CALD1: variants seen among roughly 807,000 people sequenced by gnomAD.
The protein encoded by CALD1 is caldesmon 1.
CALD1 carries 33 observed loss-of-function variants against 99.9 expected under a neutral mutation model. That is an observed-to-expected ratio of 0.33 (90% CI 0.25 to 0.44). CALD1 has a LOEUF of 0.44. Among genes scored for constraint, CALD1 ranks in the 20% least tolerant of loss-of-function variants. The pLI is 1.00. For synonymous variants in CALD1, 310 were observed against 325.0 expected (o/e 0.95, Z 0.50); for missense variants, 861 against 962.1 (o/e 0.89, Z 1.39).
At chr7:134,882,191 G>A (rs1034831286) in intron 3 of CALD1, among the ~76,000 whole-genome samples, 1 of 152,172 alleles carries the variant, frequency 6.6e-6, no homozygotes, top group Non-Finnish European at 1.5e-5. Context: ...TTGTGAGGGA[G>A]GCAGAAATGT....
At chr7:134,750,895 A>G (rs1327243797) in intron 1 of CALD1, among the ~76,000 whole-genome samples, 1 of 152,180 alleles carries the variant, frequency 6.6e-6, no homozygotes, top group Admixed American at 6.5e-5. Context: ...GGTTACTCAA[A>G]TGAATATCTT....
rs1350550018 is a variant in CALD1, at chr7:134,756,823, A to G, written c.-130+12460A>G. 2.0e-5 allele frequency among the ~76,000 whole-genome samples: 3 copies of G among 152,360 alleles called. No individual in the cohort carries two copies. In the East Asian group the frequency reaches 5.8e-4, roughly 29 times the overall value. ...ATTTAGAACAAGAGTTCAAAAATAT[A>G]AATATGAGCTTTTCCATGGGCCCGT... is the stretch of plus-strand genomic sequence containing the variant. On this transcript the variant is annotated intron_variant, in intron 1 of 13. Coordinates refer to the CALD1 transcript ENST00000417172.
rs1205451112 is a variant in CALD1, at chr7:134,820,989, C to A, written c.-129-22895C>A. 4.6e-5 allele frequency among the ~76,000 whole-genome samples: 7 copies of A among 152,224 alleles called. No individual in the cohort carries two copies. In the East Asian group the frequency reaches 9.6e-4, roughly 21 times the overall value. On this transcript the variant is annotated intron_variant, in intron 1 of 14. Transcript: ENST00000361675. ...GAAAAATGATGCAAACTATTTACTT[C>A]CCCTTAGAGGCTAGAATGCAGTTGT...
At chr7:134,947,191 A>T (rs1252293211) in intron 7 of CALD1, among the ~76,000 whole-genome samples, 1 of 151,852 alleles carries the variant, frequency 6.6e-6, no homozygotes, top group Non-Finnish European at 1.5e-5. Flanking sequence ...GGATTGCTGG[A>T]TCACGTGGTA....
At chr7:134,867,652 C>T (rs1219215691) in intron 2 of CALD1, 41 bp from the exon 3 acceptor site, 4 of 723,584 alleles carry the variant, frequency 5.5e-6, no homozygotes, top group Admixed American at 5.5e-5. Flanking sequence ...AAGTAACACA[C>T]TGAGTTATCA....
intron 11 of CALD1, among the ~76,000 whole-genome samples, chr7:134,958,775 A>C (rs915268471): frequency 6.6e-6 from 1 of 151,362 alleles, no homozygotes; most frequent in South Asian, 2.1e-4. Context: ...ATAAAGATAA[A>C]TTTTAGGAGA....
At chr7:134,890,556 G>A (rs1395702511) in intron 3 of CALD1, among the ~76,000 whole-genome samples, 3 of 152,158 alleles carry the variant, frequency 2.0e-5, no homozygotes, top group Non-Finnish European at 2.9e-5. Flanking sequence ...CCAGTCCCAC[G>A]AGCAGCTTGG....
chr7:134,808,393 C>G (rs1482193940), intron 1 of CALD1, among the ~76,000 whole-genome samples: 1 of 152,182 alleles, frequency 6.6e-6, no homozygotes, highest in African/African-American at 2.4e-5. Flanking sequence ...CAGGCATGAG[C>G]CACCACCTGG....
intron 1 of CALD1, among the ~76,000 whole-genome samples, chr7:134,763,917 CAAAA>C (rs34036528): frequency 1.5e-4 from 15 of 103,394 alleles, no homozygotes; most frequent in Admixed American, 4.7e-4. Flanking sequence ...GACTCCATCT[CAAAA>C]AAAAAAAAAA....
At chr7:134,965,202 C>A in intron 13 of CALD1, 104 bp from the exon 14 acceptor site, 1 of 723,630 alleles carries the variant, frequency 1.4e-6, no homozygotes, top group South Asian at 1.5e-5. Context: ...GTGTATTAAA[C>A]AACAAACTGA....
At chr7:134,804,413 A>G (rs1472057098) in intron 1 of CALD1, among the ~76,000 whole-genome samples, 2 of 152,176 alleles carry the variant, frequency 1.3e-5, no homozygotes, top group East Asian at 1.9e-4. Context: ...GTAATTTGTC[A>G]ATTATTTTTC....
chr7:134,937,051 G>A (rs1275463982), intron 6 of CALD1, among the ~76,000 whole-genome samples: 1 of 152,164 alleles, frequency 6.6e-6, no homozygotes, highest in Non-Finnish European at 1.5e-5. Flanking sequence ...ATGGGTTCTT[G>A]TAATGTTTCT....
At chr7:134,841,245 C>T (rs1284493981) in intron 1 of CALD1, among the ~76,000 whole-genome samples, 1 of 152,116 alleles carries the variant, frequency 6.6e-6, no homozygotes, top group Non-Finnish European at 1.5e-5. Context: ...TTAAATGACC[C>T]AAATTCCCTA....
upstream of CALD1, among the ~76,000 whole-genome samples, chr7:134,777,387 A>AT (rs746415306): frequency 4.7e-4 from 71 of 152,102 alleles, no homozygotes; most frequent in African/African-American, 1.4e-3. Flanking sequence ...GAAACATACT[A>AT]TTTTTTTTAT....
At chr7:134,967,061 G>A (rs1808728802) in intron 14 of CALD1, among the ~76,000 whole-genome samples, 1 of 152,160 alleles carries the variant, frequency 6.6e-6, no homozygotes, top group African/African-American at 2.4e-5. Flanking sequence ...GCTGGCCATA[G>A]ACCATCATCA....
chr7:134,914,278 C>T (rs1381462751), intron 3 of CALD1, among the ~76,000 whole-genome samples: 1 of 152,158 alleles, frequency 6.6e-6, no homozygotes, highest in East Asian at 1.9e-4. Flanking sequence ...AAAGTCACAG[C>T]TTATGGCTCT....
At chr7:134,960,884 G>T in intron 13 of CALD1, 1 of 293,344 alleles carries the variant, frequency 3.4e-6, no homozygotes, top group African/African-American at 2.2e-5. Flanking sequence ...GAATACTGAG[G>T]CAGTTCAAAT....
chr7:134,970,711 T>C lies in CALD1; in HGVS notation c.*2366T>C, dbSNP rs998867304. The C allele has an allele frequency of 6.6e-6, 1 of 152,366 alleles. No homozygotes were observed. The highest frequency in any genetic ancestry group is 2.4e-5 in the African/African-American group (1 of 41,460). 9.4% of individuals were successfully genotyped at this position (152,366 alleles called of 1,614,324 possible). Reference sequence around the variant, plus strand: ...GGTATGTCTATTATAATAAAGATTATGGCACAGTAAAACCTGTATTTCAGG... The same window carrying C: ...GGTATGTCTATTATAATAAAGATTACGGCACAGTAAAACCTGTATTTCAGG... On this transcript the variant is annotated 3_prime_UTR_variant, in exon 15 of 15. Coordinates refer to ENST00000361675, the MANE Select transcript of CALD1 (RefSeq NM_033138.4).
intron 3 of CALD1, among the ~76,000 whole-genome samples, chr7:134,907,948 G>C (rs943900055): frequency 6.6e-6 from 1 of 152,068 alleles, no homozygotes; most frequent in Non-Finnish European, 1.5e-5. Context: ...GGTTTGGCAG[G>C]TATCTCATTG....
Sources: gnomAD v4.1 joint callset for allele counts (sites outside exome capture counted in the v4.1 genomes callset) on GRCh38, gnomAD v4.1.1 for gene constraint, MANE v1.5 for transcripts, NCBI Gene and HGNC (gene_info 2026-07-23, HGNC 2026-07-21) for gene names.